The following FARP1 variants were observed in gnomAD, a reference collection of about 807,000 sequenced individuals.
FARP1 encodes the protein FERM, ARH/RhoGEF and pleckstrin domain protein 1.
Under a neutral mutation model 128.8 loss-of-function variants are expected in FARP1, and 52 were observed. That is an observed-to-expected ratio of 0.40 (90% confidence interval 0.32 to 0.51). The LOEUF (loss-of-function observed/expected upper bound fraction) is 0.51, where lower values mean the gene tolerates loss of function less well. FARP1 is among the 20% of genes least tolerant of loss of function. The probability of loss-of-function intolerance (pLI) is 0.45; values close to 1 mark genes in which losing one functional copy is unlikely to be tolerated. For missense variants in FARP1, 1,333 were observed against 1,367.9 expected (o/e 0.97, Z 0.40); for synonymous variants, 580 against 551.8 (o/e 1.05, Z -0.72).
chr13:98,235,404 T>C (rs1882355116), intron 2 of FARP1, among the ~76,000 whole-genome samples: 1 of 152,206 alleles, frequency 6.6e-6, no homozygotes, highest in African/African-American at 2.4e-5. Context: ...ATATCATGCC[T>C]AGAATTCCAT....
chr13:98,381,084 CA>C (rs1209197335), intron 6 of FARP1, among the ~76,000 whole-genome samples: 1 of 152,146 alleles, frequency 6.6e-6, no homozygotes, highest in Non-Finnish European at 1.5e-5. Context: ...TCTCAAAAGG[CA>C]AATAGATGGG....
At chr13:98,383,063 A>G (rs1214388355) in intron 6 of FARP1, among the ~76,000 whole-genome samples, 4 of 152,098 alleles carry the variant, frequency 2.6e-5, no homozygotes, top group Non-Finnish European at 5.9e-5. Flanking sequence ...TTTCAAGACT[A>G]CTCTAGGAAC....
chr13:98,180,484 C>T (rs1317627207), intron 1 of FARP1, among the ~76,000 whole-genome samples: 1 of 152,158 alleles, frequency 6.6e-6, no homozygotes, highest in African/African-American at 2.4e-5. Context: ...TTTTCAGATT[C>T]TCAGCCAGTC....
intron 2 of FARP1, among the ~76,000 whole-genome samples, chr13:98,233,204 A>G (rs370681324): frequency 2.0e-5 from 3 of 152,226 alleles, no homozygotes; most frequent in African/African-American, 7.2e-5. Context: ...GTGTTAATAA[A>G]TAACATCTTC....
intron 13 of FARP1, chr13:98,402,963 G>T (rs1294609141): frequency 4.6e-5 from 7 of 152,096 alleles, no homozygotes; most frequent in South Asian, 2.1e-4. Context: ...TTGTTCCATT[G>T]TATGCAGTGT....
At chr13:98,217,673 T>G (rs1456227142) in intron 2 of FARP1, among the ~76,000 whole-genome samples, 3 of 152,200 alleles carry the variant, frequency 2.0e-5, no homozygotes, top group Non-Finnish European at 4.4e-5. Context: ...ATGGCTCATC[T>G]CAACCACAGT....
intron 1 of FARP1, 118 bp from the exon 2 acceptor site, chr13:98,213,102 G>A: frequency 1.4e-6 from 1 of 706,584 alleles, no homozygotes; most frequent in Admixed American, 2.7e-5. Flanking sequence ...CTCCCTATAT[G>A]TGATTCCTGT....
At chr13:98,165,889 T>A (rs539909786) in intron 1 of FARP1, among the ~76,000 whole-genome samples, 16 of 152,010 alleles carry the variant, frequency 1.1e-4, no homozygotes, top group African/African-American at 3.6e-4. Context: ...GGCTAATTTT[T>A]TTGTATTTTT....
Position 98,213,312 on chromosome 13 carries a change from A to G in FARP1, c.70A>G (p.Thr24Ala). ...LGAPENSGIS[T>A]LERGQKPPPT... ...GGCCCCGGAAAATTCGGGGATCAGT[A>G]CCTTGGAACGTGGACAGAAGCCGCC... is the stretch of plus-strand genomic sequence containing the variant. The change falls in exon 2 of 27, where the codon ACC becomes GCC. Residue 24 changes from threonine (T) to alanine (A), a missense_variant. Thr to Ala is a moderately conservative substitution (Grantham distance 58). Transcript: ENST00000319562. The G allele has an allele frequency of 6.2e-7, 1 of 1,614,152 alleles. No individual in the cohort carries two copies. Among genetic ancestry groups the G allele is most frequent in the African/African-American group, 1.3e-5 (1 of 75,058 alleles).
chr13:98,302,645 CAA>C (rs1885971818), intron 2 of FARP1, among the ~76,000 whole-genome samples: 1 of 152,176 alleles, frequency 6.6e-6, no homozygotes, highest in African/African-American at 2.4e-5. Context: ...AGGTGAAGAG[CAA>C]AGAGGAACTT....
intron 2 of FARP1, among the ~76,000 whole-genome samples, chr13:98,290,995 A>T (rs1421750294): frequency 1.3e-5 from 2 of 152,110 alleles, no homozygotes; most frequent in African/African-American, 4.8e-5. Flanking sequence ...TATATAAGTA[A>T]ATATTACAGT....
chr13:98,234,309 C>T (rs543548090), intron 2 of FARP1: 2 of 152,322 alleles, frequency 1.3e-5, no homozygotes, highest in South Asian at 4.1e-4. Flanking sequence ...TTCTTTCATA[C>T]TCCTTAAGGC....
At chr13:98,254,792 A>G (rs1363094341) in intron 2 of FARP1, among the ~76,000 whole-genome samples, 1 of 152,190 alleles carries the variant, frequency 6.6e-6, no homozygotes, top group African/African-American at 2.4e-5. Flanking sequence ...ATAAATGAAA[A>G]CATATGTTAG....
chr13:98,203,655 C>G (rs926727794), intron 1 of FARP1, among the ~76,000 whole-genome samples: 1 of 152,146 alleles, frequency 6.6e-6, no homozygotes, highest in Non-Finnish European at 1.5e-5. Context: ...CAGTTGATGA[C>G]TATTTGGATT....
chr13:98,416,907 C>G (rs72652224), intron 16 of FARP1, among the ~76,000 whole-genome samples: 2 of 152,130 alleles, frequency 1.3e-5, no homozygotes, highest in African/African-American at 4.8e-5. Flanking sequence ...ATGGGGTGCA[C>G]GCAGTTTTCA....
intron 2 of FARP1, among the ~76,000 whole-genome samples, chr13:98,260,602 G>A (rs1883831049): frequency 6.6e-6 from 1 of 152,168 alleles, no homozygotes; most frequent in Non-Finnish European, 1.5e-5. Context: ...ACGAGCACTT[G>A]CTTTATAAAG....
chr13:98,215,467 C>T (rs1356341401), intron 2 of FARP1, among the ~76,000 whole-genome samples: 1 of 152,082 alleles, frequency 6.6e-6, no homozygotes, highest in Non-Finnish European at 1.5e-5. Flanking sequence ...GCAGCGTGAA[C>T]AAGTTATTTA....
In FARP1 at chr13:98,201,124, A is replaced by T. The variant is rs909223538; in HGVS notation, c.-23-12096A>T. Among the ~76,000 whole-genome samples, 8 of 152,134 alleles carry T rather than the reference A, an allele frequency of 5.3e-5. 1 individual carries two copies. Among genetic ancestry groups the T allele is most frequent in the African/African-American group, 1.9e-4 (8 of 41,436 alleles). ...GCTGTATTTTTGTACCCATTAGCCA[A>T]CTCAAAGATGGTGTTTTAGCAGGAA... On this transcript the variant is annotated intron_variant, in intron 1 of 26. Transcript: ENST00000319562.
intron 2 of FARP1, among the ~76,000 whole-genome samples, chr13:98,278,851 A>G (rs1382088272): frequency 2.0e-5 from 3 of 149,676 alleles, no homozygotes; most frequent in Admixed American, 6.6e-5. Flanking sequence ...TTTGAGACAG[A>G]GTCTCCCTCT....
Sources: gnomAD v4.1 joint callset for allele counts (sites outside exome capture counted in the v4.1 genomes callset) on GRCh38, gnomAD v4.1.1 for gene constraint, MANE v1.5 for transcripts, NCBI Gene and HGNC (gene_info 2026-07-23, HGNC 2026-07-21) for gene names.